ME3: variants seen among roughly 807,000 people sequenced by gnomAD.
The protein encoded by ME3 is malic enzyme 3, also known as NADP-dependent malic enzyme, mitochondrial.
Under a neutral mutation model 68.9 loss-of-function variants are expected in ME3, and 48 were observed. The observed-to-expected ratio is 0.70, with a 90% CI of 0.55 to 0.89. ME3 has a LOEUF of 0.89. Among genes scored for constraint, ME3 ranks in the 40% least tolerant of loss-of-function variants. The probability of loss-of-function intolerance (pLI) is 0.00; values close to 1 mark genes in which losing one functional copy is unlikely to be tolerated. For missense variants in ME3, 675 were observed against 797.4 expected, an observed-to-expected ratio of 0.85 and a Z score of 1.85; for synonymous variants, 320 against 318.8, an observed-to-expected ratio of 1.00 and a Z score of -0.04.
At chr11:86,534,918 T>A (rs956721504) in intron 4 of ME3, among the ~76,000 whole-genome samples, 3 of 143,352 alleles carry the variant, frequency 2.1e-5, no homozygotes, top group African/African-American at 7.8e-5. Context: ...TTGTAAGTAG[T>A]TTTAAAATGG....
chr11:86,634,264 G>C (rs189548727), intron 2 of ME3, among the ~76,000 whole-genome samples: 2 of 152,302 alleles, frequency 1.3e-5, no homozygotes, highest in Admixed American at 1.3e-4. Flanking sequence ...GTTGTATGGA[G>C]CCAGAGCTTG....
intron 2 of ME3, among the ~76,000 whole-genome samples, chr11:86,637,654 C>T (rs1042851573): frequency 7.9e-5 from 12 of 151,912 alleles, no homozygotes; most frequent in African/African-American, 2.7e-4. Flanking sequence ...GGGCCTTGTG[C>T]GTTGTGCTAA....
chr11:86,557,089 A>C (rs1449024181), intron 3 of ME3, among the ~76,000 whole-genome samples: 1 of 152,178 alleles, frequency 6.6e-6, no homozygotes, highest in Non-Finnish European at 1.5e-5. Flanking sequence ...CTGTGCTCTC[A>C]ACCACTGTTC....
intron 2 of ME3, among the ~76,000 whole-genome samples, chr11:86,607,456 T>G (rs1340866382): frequency 1.2e-5 from 1 of 81,180 alleles, no homozygotes; most frequent in East Asian, 4.0e-4. Context: ...GGCATAGTTT[T>G]TTTTTTTTTT....
At chr11:86,503,398 C>T (rs75357035) in intron 5 of ME3, among the ~76,000 whole-genome samples, 5,445 of 152,284 alleles carry the variant, frequency 0.036, 220 homozygotes, top group African/African-American at 0.097. Flanking sequence ...AAAGCCACAC[C>T]TCCTTCCAAG....
intron 8 of ME3, among the ~76,000 whole-genome samples, chr11:86,459,180 A>G (rs1202394368): frequency 1.3e-5 from 2 of 152,214 alleles, no homozygotes; most frequent in African/African-American, 4.8e-5. Flanking sequence ...CAGCACATTC[A>G]AAATCATGGA....
At chr11:86,480,108 C>A (rs1951315175) in intron 7 of ME3, among the ~76,000 whole-genome samples, 2 of 152,174 alleles carry the variant, frequency 1.3e-5, no homozygotes, top group African/African-American at 4.8e-5. Flanking sequence ...CATGAGCCAC[C>A]GCGCCTGGCC....
At position 86,624,281 on chromosome 11, in the gene ME3, T is replaced by A. The variant is rs75794639; in HGVS notation, c.183+47481A>T. On this transcript the variant is annotated intron_variant, in intron 2 of 14. Transcript: ENST00000543262. Reference sequence around the variant, plus strand: ...CTTGTCAGATACCCCTATAACCTCCTATTCCCTATTTCTCTTAATCTAGAT... The same window carrying A: ...CTTGTCAGATACCCCTATAACCTCCAATTCCCTATTTCTCTTAATCTAGAT... Among the ~76,000 whole-genome samples the A allele has an allele frequency of 4.3e-4, 65 of 152,346 alleles. No individual in the cohort carries two copies. The East Asian group carries it at 0.012, about 29-fold the overall frequency.
At chr11:86,616,316 TA>T (rs1210206027) in intron 2 of ME3, among the ~76,000 whole-genome samples, 45 of 152,348 alleles carry the variant, frequency 3.0e-4, no homozygotes, top group African/African-American at 1.1e-3. Flanking sequence ...CTCTTGGACA[TA>T]TTTTCAACAT....
intron 2 of ME3, among the ~76,000 whole-genome samples, chr11:86,629,011 A>C (rs534063858): frequency 2.1e-3 from 317 of 152,358 alleles, no homozygotes; most frequent in Non-Finnish European, 3.5e-3. Flanking sequence ...TCTTGCATTA[A>C]CAATTCCAAT....
intron 2 of ME3, among the ~76,000 whole-genome samples, chr11:86,657,061 G>GA (rs1274457604): frequency 6.6e-6 from 1 of 152,170 alleles, no homozygotes; most frequent in Non-Finnish European, 1.5e-5. Context: ...ACAGTGTGGG[G>GA]ATTCCTCAAG....
chr11:86,550,853 G>A (rs915689618), intron 4 of ME3, among the ~76,000 whole-genome samples: 13 of 152,092 alleles, frequency 8.5e-5, no homozygotes, highest in Non-Finnish European at 2.9e-5. Flanking sequence ...GTTTTCCAGA[G>A]TGGCTTTGAT....
At chr11:86,450,057 T>C (rs576463620) in intron 9 of ME3, 55 bp from the exon 10 acceptor site, 4 of 1,370,016 alleles carry the variant, frequency 2.9e-6, no homozygotes, top group South Asian at 2.5e-5. Flanking sequence ...CTGCTGAACA[T>C]TTATCTGATG....
At chr11:86,605,440 G>GA (rs144797210) in intron 2 of ME3, among the ~76,000 whole-genome samples, 11,810 of 152,130 alleles carry the variant, frequency 0.078, 550 homozygotes, top group East Asian at 0.14. Context: ...GTGTCATATT[G>GA]AAAAAATTAT....
chr11:86,597,938 T>A (rs1418257006), intron 2 of ME3, among the ~76,000 whole-genome samples: 1 of 151,994 alleles, frequency 6.6e-6, no homozygotes, highest in Non-Finnish European at 1.5e-5. Context: ...TAACTGGCAA[T>A]TGGTTGAAAG....
chr11:86,665,194 T>C (rs114559249), intron 2 of ME3, among the ~76,000 whole-genome samples: 1,884 of 152,278 alleles, frequency 0.012, 46 homozygotes, highest in African/African-American at 0.043. Flanking sequence ...CCTGCCTAAG[T>C]GGATCTTAAG....
At chr11:86,497,986 G>T in exon 6 of ME3, 1 of 1,605,742 alleles carries the variant, frequency 6.2e-7, no homozygotes. Context: ...CCGACGTCCA[G>T]CAGCACAGGG....
At chr11:86,450,469 AG>A in intron 8 of ME3, 71 bp from the exon 9 acceptor site, 1 of 1,298,398 alleles carries the variant, frequency 7.7e-7, no homozygotes, top group South Asian at 1.2e-5. Flanking sequence ...CCCTTGGCAG[AG>A]TTCCCCACAT....
chr11:86,586,943 T>C (rs768411085), intron 2 of ME3, among the ~76,000 whole-genome samples: 1 of 152,140 alleles, frequency 6.6e-6, no homozygotes, highest in Non-Finnish European at 1.5e-5. Context: ...AACGTGTTCC[T>C]GAAAGCCAAG....
Sources: allele counts gnomAD v4.1 joint callset (sites outside exome capture counted in the v4.1 genomes callset), GRCh38; gene constraint gnomAD v4.1.1; transcripts MANE v1.5; gene names NCBI Gene and HGNC (gene_info 2026-07-23, HGNC 2026-07-21).